The following INTS8 variants were observed in gnomAD, a reference collection of about 807,000 sequenced individuals.
The protein encoded by INTS8 is protein kaonashi-1.
INTS8 carries 47 observed loss-of-function variants against 138.9 expected under a neutral mutation model. That is an observed-to-expected ratio of 0.34 (90% confidence interval 0.27 to 0.43). The LOEUF is 0.43. INTS8 is among the 20% of genes least tolerant of loss of function. The pLI is 1.00. For missense variants in INTS8, 996 were observed against 1,173.0 expected, an observed-to-expected ratio of 0.85 and a Z score of 2.20; for synonymous variants, 392 against 400.9, an observed-to-expected ratio of 0.98 and a Z score of 0.27.
intron 26 of INTS8, among the ~76,000 whole-genome samples, chr8:94,879,423 G>A (rs545548198): frequency 9.2e-5 from 14 of 151,924 alleles, no homozygotes; most frequent in Non-Finnish European, 1.3e-4. Context: ...GTGAAACCCC[G>A]TCTCTACTAA....
intron 26 of INTS8, among the ~76,000 whole-genome samples, chr8:94,876,925 C>T (rs1816584583): frequency 6.6e-6 from 1 of 152,206 alleles, no homozygotes; most frequent in Non-Finnish European, 1.5e-5. Flanking sequence ...CAACTTCCCT[C>T]AGATCTCTCG....
intron 26 of INTS8, among the ~76,000 whole-genome samples, chr8:94,879,227 A>G (rs1816694056): frequency 6.6e-6 from 1 of 152,040 alleles, no homozygotes; most frequent in Non-Finnish European, 1.5e-5. Context: ...CTATTCCCCA[A>G]CTTCCCATAC....
intron 8 of INTS8, among the ~76,000 whole-genome samples, chr8:94,839,569 A>T (rs1488776415): frequency 6.6e-6 from 1 of 152,150 alleles, no homozygotes; most frequent in Non-Finnish European, 1.5e-5. Context: ...TCTTTCCCCT[A>T]TCTTTGGCCC....
intron 6 of INTS8, among the ~76,000 whole-genome samples, chr8:94,833,305 G>A (rs1814796107): frequency 1.3e-5 from 2 of 151,972 alleles, no homozygotes; most frequent in Admixed American, 1.3e-4. Flanking sequence ...TTCAAGGCCT[G>A]ATGAGCTGGA....
chr8:94,844,031 T>TA (rs908317514), intron 10 of INTS8, among the ~76,000 whole-genome samples: 8 of 151,286 alleles, frequency 5.3e-5, no homozygotes, highest in Admixed American at 2.6e-4. Flanking sequence ...TTCTGCTTTT[T>TA]TTTTTTTATT....
At chr8:94,828,283 C>T (rs957901309) in intron 4 of INTS8, among the ~76,000 whole-genome samples, 2 of 152,106 alleles carry the variant, frequency 1.3e-5, no homozygotes, top group African/African-American at 2.4e-5. Flanking sequence ...TCAGGTGATC[C>T]ACCCGCCTTG....
chr8:94,880,592 T>C lies in INTS8; in HGVS notation c.*358T>C, dbSNP rs544122306. On this transcript the variant is annotated 3_prime_UTR_variant, in exon 27 of 27. Coordinates refer to ENST00000523731, the MANE Select transcript of INTS8 (RefSeq NM_017864.4). ...AGTTTTCATGTCTTTTTTTAATAAA[T>C]AGATTTCTAGGAGTCAGTATATATT... 1 of 341,922 alleles carries C rather than the reference T, an allele frequency of 2.9e-6. No individual in the cohort carries two copies. Among genetic ancestry groups the C allele is most frequent in the Non-Finnish European group, 5.2e-6 (1 of 193,170 alleles). 21.2% of individuals were successfully genotyped at this position (341,922 alleles called of 1,614,324 possible). A position where few individuals can be genotyped will look rare whatever the true frequency, so the allele number is the denominator to read the frequency against.
intron 10 of INTS8, among the ~76,000 whole-genome samples, chr8:94,848,908 A>T (rs1000805657): frequency 4.6e-5 from 7 of 152,132 alleles, no homozygotes; most frequent in African/African-American, 1.7e-4. Flanking sequence ...GAATAAATTC[A>T]ACATAATATG....
chr8:94,835,194 C>T (rs558472699), intron 6 of INTS8, among the ~76,000 whole-genome samples: 130 of 152,230 alleles, frequency 8.5e-4, no homozygotes, highest in Non-Finnish European at 1.7e-3. Flanking sequence ...CAGAATATTA[C>T]GAGCTTAGGA....
In INTS8 at chr8:94,832,655, T is replaced by C. The variant is rs1814766823; in HGVS notation, c.753+481T>C. ...CTTATTGTCAGGTATTATTTGTTTT[T>C]GTTTTTGTTTTTTTTTTGAGACGGA... On this transcript the variant is annotated intron_variant, in intron 6 of 26. Coordinates refer to ENST00000523731, the MANE Select transcript of INTS8 (RefSeq NM_017864.4). Among the ~76,000 whole-genome samples the C allele has an allele frequency of 2.6e-5, 4 of 152,202 alleles. No individual in the cohort carries two copies. The South Asian group carries it at 8.3e-4, about 32-fold the overall frequency.
intron 8 of INTS8, among the ~76,000 whole-genome samples, chr8:94,840,952 A>G (rs10091683): frequency 0.75 from 110,539 of 147,372 alleles, 41,220 homozygotes; most frequent in Middle Eastern, 0.79. Flanking sequence ...TTGCTCTGTC[A>G]CCCAGGCTGG....
chr8:94,840,680 C>T (rs1413484689), intron 8 of INTS8, among the ~76,000 whole-genome samples: 1 of 151,030 alleles, frequency 6.6e-6, no homozygotes, highest in African/African-American at 2.4e-5. Context: ...GCCTCAGCCT[C>T]CCGAGTAGCT....
chr8:94,877,963 A>G (rs1340052153), intron 26 of INTS8, among the ~76,000 whole-genome samples: 1 of 152,082 alleles, frequency 6.6e-6, no homozygotes, highest in African/African-American at 2.4e-5. Flanking sequence ...GTTGGTCTGA[A>G]GTGGGACCCT....
chr8:94,842,508 C>A lies in INTS8; in HGVS notation c.1260+20C>A. ...CTTGAGGTATGACATGTTTTTCTTT[C>A]CCCTTTTGATTTATAATTTGCTTTA... On this transcript the variant is annotated intron_variant, in intron 10 of 26. Transcript: ENST00000523731. 6.3e-7 allele frequency: 1 copy of A among 1,578,586 alleles called. No individual in the cohort carries two copies. The highest frequency in any genetic ancestry group is 8.6e-7 in the Non-Finnish European group (1 of 1,159,184).
chr8:94,872,908 G>A (rs530082652), intron 21 of INTS8, among the ~76,000 whole-genome samples: 10 of 152,268 alleles, frequency 6.6e-5, no homozygotes, highest in South Asian at 2.1e-4. Flanking sequence ...GCTGAACACC[G>A]TGGGTCTACC....
At chr8:94,825,404 C>T (rs1334748630) in intron 2 of INTS8, among the ~76,000 whole-genome samples, 1 of 150,378 alleles carries the variant, frequency 6.6e-6, no homozygotes, top group Admixed American at 6.6e-5. Flanking sequence ...TGCACTCCAG[C>T]CTGGGCGATA....
intron 11 of INTS8, 94 bp downstream of exon 11, chr8:94,849,626 G>C: frequency 1.2e-6 from 1 of 811,474 alleles, no homozygotes; most frequent in African/African-American, 1.8e-5. Flanking sequence ...TTTTGTCTTG[G>C]GTATCTTTTA....
intron 21 of INTS8, among the ~76,000 whole-genome samples, chr8:94,872,252 G>A (rs1563671527): frequency 1.3e-5 from 2 of 151,822 alleles, no homozygotes; most frequent in Non-Finnish European, 2.9e-5. Flanking sequence ...TTGTGTGTGT[G>A]TGATGGAGTC....
At position 94,865,520 on chromosome 8, in the gene INTS8, A is replaced by G. The variant is rs1237927763; in HGVS notation, c.2091A>G (p.Leu697=). 9.9e-6 allele frequency: 16 copies of G among 1,613,556 alleles called. No homozygotes were observed. The highest frequency in any genetic ancestry group is 1.4e-5 in the Non-Finnish European group (16 of 1,179,732). Residue 697 remains leucine (L), a synonymous_variant, in exon 17 of 27, where the codon TTA becomes TTG. Transcript: ENST00000523731. ...TCATGTTATAGCTTGGACAGCTTTT[A>G]GCAGCTACATGCAAAGAACTTCCAG... The part of the protein sequence containing the change: ...SNPYVKLGQL[L]AATCKELPGP...
Sources: allele counts gnomAD v4.1 joint callset (sites outside exome capture counted in the v4.1 genomes callset), GRCh38; gene constraint gnomAD v4.1.1; transcripts MANE v1.5; gene names NCBI Gene and HGNC (gene_info 2026-07-23, HGNC 2026-07-21).